SLC12A6: variants seen among roughly 807,000 people sequenced by gnomAD.
The protein encoded by SLC12A6 is K-Cl cotransporter 3.
In SLC12A6, 66 loss-of-function variants were observed where a neutral mutation model predicts 135.3. The ratio of observed to expected loss-of-function variants is 0.49; its 90% confidence interval spans 0.40 to 0.60. The LOEUF is 0.60. Ranked by LOEUF, SLC12A6 falls within the 20% of genes least tolerant of loss-of-function variation. SLC12A6 has a pLI of 0.00. For synonymous variants in SLC12A6, 513 were observed against 508.8 expected, an observed-to-expected ratio of 1.01 and a Z score of -0.11; for missense variants, 1,058 against 1,452.3, an observed-to-expected ratio of 0.73 and a Z score of 4.41.
intron 3 of SLC12A6, among the ~76,000 whole-genome samples, chr15:34,265,719 T>C (rs561985068): frequency 1.3e-5 from 2 of 152,198 alleles, no homozygotes; most frequent in Non-Finnish European, 2.9e-5. Context: ...TGTGAGCTGG[T>C]ATAAGCTGGC....
Position 34,245,646 on chromosome 15 carries a change from A to G in SLC12A6, c.1824+47T>C, listed in dbSNP as rs200271538. ...GCCCATGAAGACCACACTGTTTCTC[A>G]TTAAAGCTGGGAAAAAAAGAAGAGG... On this transcript the variant is annotated intron_variant, in intron 14 of 25. Coordinates refer to ENST00000354181, the MANE Select transcript of SLC12A6 (RefSeq NM_001365088.1). The G allele has an allele frequency of 5.8e-4, 879 of 1,502,616 alleles. 2 individuals carry two copies. Among genetic ancestry groups the G allele is most frequent in the South Asian group, 1.1e-3 (95 of 88,784 alleles). 93.1% of individuals were successfully genotyped at this position (1,502,616 alleles called of 1,614,324 possible).
intron 2 of SLC12A6, among the ~76,000 whole-genome samples, chr15:34,285,717 T>TGTGTATACACACACACACACACACACACA (rs144158165): frequency 1.8e-4 from 24 of 131,106 alleles, no homozygotes; most frequent in Non-Finnish European, 2.9e-4. Context: ...TGTGTGTTTG[T>TGTGTATACACACACACACACACACACACA]CATACATAAA....
At chr15:34,254,278 AT>A in intron 9 of SLC12A6, 69 bp downstream of exon 9, 1 of 1,467,512 alleles carries the variant, frequency 6.8e-7, no homozygotes, top group South Asian at 1.1e-5. Context: ...CTGACTTAAA[AT>A]TATCACACCA....
intron 2 of SLC12A6, among the ~76,000 whole-genome samples, chr15:34,294,595 T>C (rs1895757500): frequency 6.6e-6 from 1 of 151,182 alleles, no homozygotes; most frequent in Non-Finnish European, 1.5e-5. Flanking sequence ...AGATACAGGG[T>C]CTTGTTCTGT....
At chr15:34,263,941 A>G (rs1893327104) in intron 3 of SLC12A6, among the ~76,000 whole-genome samples, 1 of 152,140 alleles carries the variant, frequency 6.6e-6, no homozygotes, top group South Asian at 2.1e-4. Context: ...GATATTCTGA[A>G]AAAGTCACCT....
intron 2 of SLC12A6, among the ~76,000 whole-genome samples, chr15:34,310,769 A>AGT (rs570488711): frequency 0.014 from 365 of 25,352 alleles, 17 homozygotes; most frequent in East Asian, 0.023. Flanking sequence ...CCTGGGCTCA[A>AGT]GTGTGTGTGT....
chr15:34,250,634 CA>C lies in SLC12A6; in HGVS notation c.1587del (p.Phe529LeufsTer4). On this transcript the variant is annotated frameshift_variant, in exon 12 of 26. Coordinates refer to ENST00000354181, the MANE Select transcript of SLC12A6 (RefSeq NM_001365088.1). LOFTEE classifies it high-confidence loss of function. ...ACTGGATCCATAAAAAGGATACAAA[CA>C]AAGGAGGTGGTCAGGATGGCAAGGA... ...GTILAILTTS[F>X]VYLSNVVLFG... 1 of 1,532,628 alleles carries C rather than the reference CA, an allele frequency of 6.5e-7. No homozygotes were observed. Among genetic ancestry groups the C allele is most frequent in the Non-Finnish European group, 9.0e-7 (1 of 1,106,010 alleles). The allele number at this position is 1,532,628 out of a possible 1,614,324, so 94.9% of individuals were successfully genotyped here. A position where few individuals can be genotyped will look rare whatever the true frequency, so the allele number is the denominator to read the frequency against.
chr15:34,287,416 A>G (rs374850742), intron 2 of SLC12A6, among the ~76,000 whole-genome samples: 1 of 152,114 alleles, frequency 6.6e-6, no homozygotes, highest in African/African-American at 2.4e-5. Context: ...AGTCTTTCCT[A>G]TTGTGAATAG....
intron 2 of SLC12A6, among the ~76,000 whole-genome samples, chr15:34,290,459 A>G (rs1217263995): frequency 6.6e-6 from 1 of 152,132 alleles, no homozygotes; most frequent in Non-Finnish European, 1.5e-5. Context: ...TATTCCGTTG[A>G]TTTGGGGTGG....
rs924321079 is a variant in SLC12A6 at position 34,287,233 on chromosome 15, T to G, written c.272-11844A>C. ...CACTTATGAGTGAGAACATGTGGTGTTTGGTTTTCTGATCTTGTGACAGTT... is the reference window on the plus strand; with the variant it reads ...CACTTATGAGTGAGAACATGTGGTGGTTGGTTTTCTGATCTTGTGACAGTT... On this transcript the variant is annotated intron_variant, in intron 2 of 25. Transcript: ENST00000354181. Among the ~76,000 whole-genome samples the G allele has an allele frequency of 1.1e-4, 17 of 152,192 alleles. 1 individual carries two copies. Among genetic ancestry groups the G allele is most frequent in the Admixed American group, 3.3e-4 (5 of 15,270 alleles).
chr15:34,260,776 C>G, intron 4 of SLC12A6, 150 bp downstream of exon 4: 1 of 605,650 alleles, frequency 1.7e-6, no homozygotes, highest in Non-Finnish European at 3.0e-6. Context: ...ATTACACAGA[C>G]AAAATTTACT....
At chr15:34,313,321 TGAA>T (rs1445486410) in intron 2 of SLC12A6, among the ~76,000 whole-genome samples, 12 of 152,202 alleles carry the variant, frequency 7.9e-5, no homozygotes, top group Non-Finnish European at 1.6e-4. Flanking sequence ...ATTGCTGATA[TGAA>T]GAAGGTTTTA....
intron 2 of SLC12A6, among the ~76,000 whole-genome samples, chr15:34,334,399 T>C (rs1293540019): frequency 6.6e-6 from 1 of 152,186 alleles, no homozygotes; most frequent in East Asian, 1.9e-4. Flanking sequence ...CATTAGGCCC[T>C]TTTCTTCACA....
intron 2 of SLC12A6, among the ~76,000 whole-genome samples, chr15:34,292,057 A>C (rs563833736): frequency 6.6e-5 from 10 of 152,228 alleles, no homozygotes; most frequent in Admixed American, 5.9e-4. Flanking sequence ...TTTGGAGAAG[A>C]AGAGGCATTC....
At chr15:34,292,539 A>G (rs897662414) in intron 2 of SLC12A6, among the ~76,000 whole-genome samples, 7 of 152,116 alleles carry the variant, frequency 4.6e-5, no homozygotes, top group African/African-American at 1.7e-4. Context: ...TCCAGGAGGG[A>G]CGTTTAAGTC....
At chr15:34,275,746 T>C (rs1223274650) in intron 2 of SLC12A6, among the ~76,000 whole-genome samples, 1 of 152,138 alleles carries the variant, frequency 6.6e-6, no homozygotes, top group African/African-American at 2.4e-5. Flanking sequence ...AAATGTAATA[T>C]ACACATACAA....
chr15:34,246,790 G>T (rs1254928514), intron 13 of SLC12A6, among the ~76,000 whole-genome samples: 6 of 152,128 alleles, frequency 3.9e-5, no homozygotes, highest in Non-Finnish European at 8.8e-5. Flanking sequence ...GGGACCACAA[G>T]TGTGTGCTAC....
chr15:34,297,703 A>G (rs1445486925), intron 2 of SLC12A6, among the ~76,000 whole-genome samples: 3 of 152,214 alleles, frequency 2.0e-5, no homozygotes, highest in African/African-American at 7.2e-5. Flanking sequence ...GGAGGGCTCA[A>G]AATCACAGAG....
At chr15:34,319,660 G>A (rs932662159) in intron 2 of SLC12A6, among the ~76,000 whole-genome samples, 3 of 151,958 alleles carry the variant, frequency 2.0e-5, no homozygotes, top group East Asian at 3.9e-4. Context: ...TTAGCCAGGC[G>A]TGGTGGTTCA....
Sources: allele counts gnomAD v4.1 joint callset (sites outside exome capture counted in the v4.1 genomes callset), GRCh38; gene constraint gnomAD v4.1.1; transcripts MANE v1.5; gene names NCBI Gene and HGNC (gene_info 2026-07-23, HGNC 2026-07-21).